ZBTB49: variants seen among roughly 807,000 people sequenced by gnomAD.
The protein encoded by ZBTB49 is zinc finger and BTB domain containing 49.
A neutral mutation model predicts 57.5 loss-of-function variants in ZBTB49; 43 were observed. The ratio of observed to expected loss-of-function variants is 0.75; its 90% CI spans 0.59 to 0.97. The LOEUF is 0.97. ZBTB49 is among the 50% of genes least tolerant of loss of function. The pLI, the probability that ZBTB49 is intolerant of heterozygous loss-of-function variation, is 0.00. For synonymous variants in ZBTB49, 369 were observed against 362.1 expected (o/e 1.02, Z -0.22); for missense variants, 938 against 947.7 (o/e 0.99, Z 0.13).
At chr4:4,295,096 A>G (rs144085974) in intron 1 of ZBTB49, among the ~76,000 whole-genome samples, 25 of 152,162 alleles carry the variant, frequency 1.6e-4, no homozygotes, top group Non-Finnish European at 2.5e-4. Context: ...GTTCTTAGAG[A>G]CTTGCTTCAG....
intron 5 of ZBTB49, 50 bp from the exon 6 acceptor site, chr4:4,315,586 C>G: frequency 6.3e-7 from 1 of 1,580,302 alleles, no homozygotes; most frequent in Non-Finnish European, 8.7e-7. Flanking sequence ...TTATAAAGAC[C>G]CACAGTAATG....
At chr4:4,294,872 C>CATGTGTGT (rs1553803053) in intron 1 of ZBTB49, among the ~76,000 whole-genome samples, 65 of 138,128 alleles carry the variant, frequency 4.7e-4, no homozygotes, top group African/African-American at 1.7e-3. Context: ...AGGAGGGTTT[C>CATGTGTGT]GTGTGTGTGT....
chr4:4,321,057 C>T lies in ZBTB49; in HGVS notation c.2039C>T (p.Pro680Leu). 6.2e-7 allele frequency: 1 copy of T among 1,614,156 alleles called. No individual in the cohort carries two copies. The highest frequency in any genetic ancestry group is 8.5e-7 in the Non-Finnish European group (1 of 1,180,036). Reference protein sequence around the residue: ...LSLDPGKLAKPQMQQTQPQAY... With the variant: ...LSLDPGKLAKLQMQQTQPQAY... ...TTGGATCCTGGTAAACTTGCCAAGC[C>T]CCAGATGCAGCAGACACAGCCTCAG... The change falls in exon 8 of 8, where the codon CCC becomes CTC. Residue 680 changes from proline to leucine, a missense_variant. Physicochemically the swap from Pro to Leu is moderately conservative, Grantham distance 98. This residue lies in a region of ZBTB49 where 835 missense variants were observed against 819.1 expected (regional missense o/e 1.02). Coordinates refer to ENST00000337872, the MANE Select transcript of ZBTB49 (RefSeq NM_145291.4).
chr4:4,294,306 A>T (rs189739319), intron 1 of ZBTB49, among the ~76,000 whole-genome samples: 1 of 152,266 alleles, frequency 6.6e-6, no homozygotes, highest in East Asian at 1.9e-4. Flanking sequence ...GGGGAGGTAC[A>T]GGATTGACAT....
chr4:4,294,426 G>A (rs550578353), intron 1 of ZBTB49, among the ~76,000 whole-genome samples: 91 of 152,196 alleles, frequency 6.0e-4, no homozygotes, highest in African/African-American at 2.1e-3. Flanking sequence ...GTGCAATCTC[G>A]GCTCACTGGA....
intron 3 of ZBTB49, among the ~76,000 whole-genome samples, chr4:4,303,387 G>A (rs112843008): frequency 0.018 from 2,721 of 152,106 alleles, 77 homozygotes; most frequent in African/African-American, 0.061. Context: ...TAGTAATTTT[G>A]GTGCACCCAG....
chr4:4,313,462 G>A (rs1721063478), intron 5 of ZBTB49, among the ~76,000 whole-genome samples: 1 of 152,158 alleles, frequency 6.6e-6, no homozygotes, highest in Admixed American at 6.5e-5. Context: ...TGTCTAGTAG[G>A]GGAAATGGGA....
chr4:4,295,435 A>G (rs1208736906), intron 1 of ZBTB49, among the ~76,000 whole-genome samples: 2 of 152,206 alleles, frequency 1.3e-5, no homozygotes, highest in Non-Finnish European at 2.9e-5. Flanking sequence ...CTCCCCTGAC[A>G]TGTGGGGATT....
rs1290043829 is a variant in ZBTB49, at chr4:4,302,876, A to G, written c.1040A>G (p.Lys347Arg). Residue 347 changes from lysine (K) to arginine (R), a missense_variant, in exon 3 of 8, where the codon AAA (lysine) becomes AGA (arginine). This residue lies in a region of ZBTB49 where 835 missense variants were observed against 819.1 expected (regional missense o/e 1.02). Coordinates refer to ENST00000337872, the MANE Select transcript of ZBTB49 (RefSeq NM_145291.4). ...LESASKNTLE[K>R]ASSQSAEEKE... Reference sequence around the variant, plus strand: ...TCTGCTAGTAAAAATACCCTAGAGAAAGCTAGCAGCCAAAGTGCTGAAGAA... The same window carrying G: ...TCTGCTAGTAAAAATACCCTAGAGAGAGCTAGCAGCCAAAGTGCTGAAGAA... 2.5e-6 allele frequency: 4 copies of G among 1,613,794 alleles called. No homozygotes were observed. In the African/African-American group the frequency reaches 5.3e-5, roughly 22 times the overall value.
chr4:4,294,849 A>T (rs1720111961), intron 1 of ZBTB49, among the ~76,000 whole-genome samples: 1 of 149,048 alleles, frequency 6.7e-6, no homozygotes, highest in Admixed American at 6.7e-5. Context: ...ACCTAATTTT[A>T]ACAGGTCTGT....
At chr4:4,300,814 A>T (rs1421261436) in intron 2 of ZBTB49, among the ~76,000 whole-genome samples, 1 of 151,530 alleles carries the variant, frequency 6.6e-6, no homozygotes, top group Non-Finnish European at 1.5e-5. Context: ...GAGTTAAGTG[A>T]TTCTGCATAA....
chr4:4,304,062 G>T (rs1355872476), intron 3 of ZBTB49, among the ~76,000 whole-genome samples: 2 of 151,988 alleles, frequency 1.3e-5, no homozygotes, highest in East Asian at 1.9e-4. Context: ...AATTGTGAAG[G>T]CCCTTTATAC....
At chr4:4,314,546 A>G (rs1209216202) in intron 5 of ZBTB49, among the ~76,000 whole-genome samples, 2 of 151,876 alleles carry the variant, frequency 1.3e-5, no homozygotes, top group Non-Finnish European at 2.9e-5. Flanking sequence ...TAATTTTTGT[A>G]TTTTTAGTAG....
At chr4:4,295,927 C>G (rs1190567669) in intron 1 of ZBTB49, among the ~76,000 whole-genome samples, 2 of 152,156 alleles carry the variant, frequency 1.3e-5, no homozygotes, top group Non-Finnish European at 2.9e-5. Context: ...AGAAGTTTAG[C>G]AGAGAGTTGG....
At chr4:4,319,292 A>G (rs977783311) in intron 7 of ZBTB49, among the ~76,000 whole-genome samples, 6 of 152,160 alleles carry the variant, frequency 3.9e-5, no homozygotes, top group East Asian at 1.9e-4. Context: ...TAGCCTAGCC[A>G]TTGCTTGACT....
chr4:4,296,688 A>C (rs886511358), intron 1 of ZBTB49, among the ~76,000 whole-genome samples: 1 of 152,234 alleles, frequency 6.6e-6, no homozygotes, highest in Non-Finnish European at 1.5e-5. Context: ...GAGTCATGAG[A>C]AAGTAAAGTG....
At chr4:4,313,014 T>C (rs1189844802) in intron 4 of ZBTB49, 27 bp from the exon 5 acceptor site, 7 of 1,611,670 alleles carry the variant, frequency 4.3e-6, no homozygotes, top group East Asian at 2.2e-5. Context: ...TCATTATTGG[T>C]GTGTTTTTCT....
intron 1 of ZBTB49, among the ~76,000 whole-genome samples, 193 bp downstream of exon 1, chr4:4,290,545 G>A (rs929270020): frequency 6.6e-6 from 1 of 152,226 alleles, no homozygotes; most frequent in Admixed American, 6.5e-5. Flanking sequence ...GCTCTGTGCC[G>A]GGCATCACAG....
Position 4,315,932 on chromosome 4 carries a change from G to T in ZBTB49, c.1583G>T (p.Arg528Leu). 1 of 1,614,084 alleles carries T rather than the reference G, an allele frequency of 6.2e-7. No homozygotes were observed. Among genetic ancestry groups the T allele is most frequent in the South Asian group, 1.1e-5 (1 of 91,078 alleles). The change falls in exon 7 of 8, where the codon CGG becomes CTG. Residue 528 changes from arginine to leucine, a missense_variant. Arg to Leu is a moderately radical substitution (Grantham distance 102). Around this residue, in one of 3 missense-constraint regions of ZBTB49, gnomAD observed 835 missense variants for 819.1 expected, o/e 1.02. Transcript: ENST00000337872. ...AGGAAGTTAGTAAAGCACAGAATTC[G>T]GCACACGGGGGAGCGGCCTTACAGC... ...MQRKLVKHRI[R>L]HTGERPYSCS...
Sources: gnomAD v4.1 joint callset for allele counts (sites outside exome capture counted in the v4.1 genomes callset) on GRCh38, gnomAD v4.1.1 for gene constraint, gnomAD v4.1.1 regional missense constraint, MANE v1.5 for transcripts, NCBI Gene and HGNC (gene_info 2026-07-23, HGNC 2026-07-21) for gene names.